The following FAM107B variants were observed in gnomAD, a reference collection of about 807,000 sequenced individuals.
FAM107B encodes the protein protein FAM107B.
Under a neutral mutation model 31.5 loss-of-function variants are expected in FAM107B, and 21 were observed. That is an observed-to-expected ratio of 0.67 (90% CI 0.47 to 0.96). FAM107B has a LOEUF of 0.96. Among genes scored for constraint, FAM107B ranks in the 40% least tolerant of loss-of-function variants. The pLI, the probability that FAM107B is intolerant of heterozygous loss-of-function variation, is 0.00. For synonymous variants in FAM107B, 157 were observed against 141.5 expected, an observed-to-expected ratio of 1.11 and a Z score of -0.78; for missense variants, 452 against 377.1, an observed-to-expected ratio of 1.20 and a Z score of -1.64.
chr10:14,542,901 G>A (rs907654962), intron 2 of FAM107B, among the ~76,000 whole-genome samples: 4 of 152,188 alleles, frequency 2.6e-5, no homozygotes, highest in African/African-American at 9.7e-5. Flanking sequence ...TAGTACACTG[G>A]CTTGCATAAA....
At chr10:14,680,573 C>CAA (rs35826993) in intron 1 of FAM107B, among the ~76,000 whole-genome samples, 26,753 of 133,748 alleles carry the variant, frequency 0.2, 2,934 homozygotes, top group Non-Finnish European at 0.24. Flanking sequence ...GACTCTGTCT[C>CAA]AAAAAAAAAA....
intron 1 of FAM107B, among the ~76,000 whole-genome samples, chr10:14,764,258 C>T (rs1833117229): frequency 6.6e-6 from 1 of 152,214 alleles, no homozygotes; most frequent in East Asian, 1.9e-4. Flanking sequence ...TGAGGCACAT[C>T]TTACTACCCT....
chr10:14,737,887 C>T (rs1447709842), intron 1 of FAM107B, among the ~76,000 whole-genome samples: 1 of 151,706 alleles, frequency 6.6e-6, no homozygotes, highest in Non-Finnish European at 1.5e-5. Context: ...GTTCATCCCC[C>T]TGACTGGTGA....
intron 1 of FAM107B, among the ~76,000 whole-genome samples, chr10:14,755,056 T>C (rs888022737): frequency 6.6e-6 from 1 of 152,158 alleles, no homozygotes; most frequent in African/African-American, 2.4e-5. Flanking sequence ...TACCTGACAA[T>C]ATTTTCATTG....
chr10:14,704,010 TC>T (rs1855463235), intron 1 of FAM107B, among the ~76,000 whole-genome samples: 1 of 152,168 alleles, frequency 6.6e-6, no homozygotes, highest in Non-Finnish European at 1.5e-5. Context: ...TGGGTTCTCC[TC>T]CCAGTGGGTA....
chr10:14,660,303 C>T (rs1467028959), intron 2 of FAM107B, among the ~76,000 whole-genome samples: 3 of 152,072 alleles, frequency 2.0e-5, no homozygotes, highest in Non-Finnish European at 4.4e-5. Context: ...GTTTCTAAAG[C>T]AATGCATGGT....
intron 2 of FAM107B, among the ~76,000 whole-genome samples, chr10:14,639,764 C>T (rs1310594466): frequency 6.6e-6 from 1 of 152,168 alleles, no homozygotes; most frequent in East Asian, 1.9e-4. Context: ...CTTCCAGCCT[C>T]ATCTCCCATC....
intron 2 of FAM107B, among the ~76,000 whole-genome samples, chr10:14,604,749 C>G (rs1383480351): frequency 7.0e-6 from 1 of 143,796 alleles, no homozygotes; most frequent in Non-Finnish European, 1.5e-5. Flanking sequence ...CTCGCTCTCT[C>G]CCTCTACCTC....
chr10:14,578,417 G>A (rs777308558), intron 2 of FAM107B, among the ~76,000 whole-genome samples: 6 of 152,126 alleles, frequency 3.9e-5, no homozygotes, highest in Non-Finnish European at 8.8e-5. Context: ...GAATAAACAA[G>A]TTGCTTCCCT....
At chr10:14,535,604 C>T (rs1164024859) in intron 2 of FAM107B, among the ~76,000 whole-genome samples, 4 of 152,178 alleles carry the variant, frequency 2.6e-5, no homozygotes, top group Non-Finnish European at 5.9e-5. Flanking sequence ...AAAGGTCTGT[C>T]TATCACACTG....
chr10:14,555,068 T>C (rs775371822), intron 2 of FAM107B, among the ~76,000 whole-genome samples: 6 of 152,248 alleles, frequency 3.9e-5, no homozygotes, highest in African/African-American at 1.2e-4. Flanking sequence ...TCATAAGCAG[T>C]TGAGCTCTTT....
intron 2 of FAM107B, among the ~76,000 whole-genome samples, chr10:14,666,391 T>C (rs1854404151): frequency 6.6e-6 from 1 of 152,024 alleles, no homozygotes; most frequent in African/African-American, 2.4e-5. Context: ...TATAAAACCA[T>C]CAGATCTCAT....
chr10:14,644,070 G>A (rs77194457), intron 2 of FAM107B, among the ~76,000 whole-genome samples: 1 of 152,282 alleles, frequency 6.6e-6, no homozygotes, highest in African/African-American at 2.4e-5. Flanking sequence ...AAGAATGAAG[G>A]ATATTTCCTC....
At chr10:14,741,149 C>T (rs1413688177) in intron 1 of FAM107B, among the ~76,000 whole-genome samples, 1 of 151,892 alleles carries the variant, frequency 6.6e-6, no homozygotes, top group Non-Finnish European at 1.5e-5. Context: ...AATCAGGGTA[C>T]CAGGTGAGGG....
At chr10:14,531,213 T>C (rs1454101660) in intron 2 of FAM107B, among the ~76,000 whole-genome samples, 2 of 152,214 alleles carry the variant, frequency 1.3e-5, no homozygotes, top group Non-Finnish European at 2.9e-5. Context: ...CTGTGCCACA[T>C]GTATTCCCCT....
chr10:14,586,804 T>TGG (rs1455343215), intron 2 of FAM107B, among the ~76,000 whole-genome samples: 1 of 152,138 alleles, frequency 6.6e-6, no homozygotes, highest in Admixed American at 6.5e-5. Flanking sequence ...ACTCTCCAAT[T>TGG]AGATCCCAGA....
chr10:14,665,366 C>T (rs1386452661), intron 2 of FAM107B, among the ~76,000 whole-genome samples: 1 of 152,200 alleles, frequency 6.6e-6, no homozygotes, highest in African/African-American at 2.4e-5. Flanking sequence ...TGTCTAATTT[C>T]TCACCCTGAG....
intron 2 of FAM107B, among the ~76,000 whole-genome samples, chr10:14,594,345 A>T: frequency 6.6e-6 from 1 of 151,976 alleles, no homozygotes; most frequent in East Asian, 1.9e-4. Flanking sequence ...TCTCTACAAA[A>T]TATAAAATTT....
intron 2 of FAM107B, among the ~76,000 whole-genome samples, chr10:14,537,904 T>C (rs1285138740): frequency 1.3e-5 from 2 of 150,156 alleles, no homozygotes; most frequent in Admixed American, 6.6e-5. Context: ...TCAATAGACA[T>C]CACCTGCTAT....
Sources: gnomAD v4.1 joint callset for allele counts (sites outside exome capture counted in the v4.1 genomes callset) on GRCh38, gnomAD v4.1.1 for gene constraint, MANE v1.5 for transcripts, NCBI Gene and HGNC (gene_info 2026-07-23, HGNC 2026-07-21) for gene names.